Variants in CHN1 observed in about 807,000 individuals in gnomAD.
The protein encoded by CHN1 is chimerin 1.
In CHN1, 37 loss-of-function variants were observed where a neutral mutation model predicts 59.5. The observed-to-expected ratio is 0.62, with a 90% CI of 0.48 to 0.82. The LOEUF (loss-of-function observed/expected upper bound fraction) is 0.82, where lower values mean the gene tolerates loss of function less well. Among genes scored for constraint, CHN1 ranks in the 40% least tolerant of loss-of-function variants. The pLI is 0.00. For missense variants in CHN1, 469 were observed against 571.0 expected (o/e 0.82, Z 1.82); for synonymous variants, 206 against 200.4 (o/e 1.03, Z -0.24).
At chr2:174,972,095 C>T (rs941225466) in intron 1 of CHN1, among the ~76,000 whole-genome samples, 2 of 152,176 alleles carry the variant, frequency 1.3e-5, no homozygotes, top group African/African-American at 2.4e-5. Context: ...GCTTCCAGGA[C>T]AACAAGCTGG....
chr2:174,817,560 T>G (rs1685314102), intron 8 of CHN1, among the ~76,000 whole-genome samples: 1 of 151,410 alleles, frequency 6.6e-6, no homozygotes, highest in African/African-American at 2.4e-5. Flanking sequence ...GCCTCCCAGT[T>G]CAAGTAATTC....
chr2:174,978,749 A>G (rs1479451335), intron 1 of CHN1, among the ~76,000 whole-genome samples: 1 of 152,256 alleles, frequency 6.6e-6, no homozygotes, highest in Non-Finnish European at 1.5e-5. Context: ...TGATAGTGTG[A>G]AATGTAGCTA....
chr2:174,937,486 A>G (rs1193655396), intron 3 of CHN1, among the ~76,000 whole-genome samples: 1 of 152,218 alleles, frequency 6.6e-6, no homozygotes, highest in African/African-American at 2.4e-5. Context: ...ACCCATAAAT[A>G]ATAATTATTA....
At chr2:174,847,439 C>A in intron 6 of CHN1, 1 of 1,198,222 alleles carries the variant, frequency 8.3e-7, no homozygotes, top group South Asian at 2.7e-5. Context: ...CAGCATCTCT[C>A]TTTATCATTT....
chr2:174,985,146 G>C lies in CHN1; in HGVS notation c.19+19748C>G, dbSNP rs1014808185. Among the ~76,000 whole-genome samples, 12 of 152,092 alleles carry C rather than the reference G, an allele frequency of 7.9e-5. No homozygotes were observed. In the South Asian group the frequency reaches 1.0e-3, roughly 13 times the overall value. On this transcript the variant is annotated intron_variant, in intron 1 of 12. Coordinates refer to ENST00000409900, the MANE Select transcript of CHN1 (RefSeq NM_001822.7). ...ACCTAATTTGCTCTAGATTTTAGTT[G>C]ATACACTTTAATGTTTTAGTCTTCT... is the stretch of plus-strand genomic sequence containing the variant.
intron 6 of CHN1, among the ~76,000 whole-genome samples, chr2:174,869,719 T>C (rs764334759): frequency 1.3e-5 from 2 of 152,218 alleles, no homozygotes; most frequent in African/African-American, 4.8e-5. Context: ...GGCTCATTTG[T>C]AGAGTTTCCA....
intron 1 of CHN1, among the ~76,000 whole-genome samples, chr2:174,954,705 T>C (rs901739897): frequency 6.6e-6 from 1 of 152,196 alleles, no homozygotes; most frequent in African/African-American, 2.4e-5. Context: ...TCAACATCAC[T>C]AATTATCAGG....
At chr2:174,833,069 C>G (rs1309643827) in intron 7 of CHN1, among the ~76,000 whole-genome samples, 1 of 152,086 alleles carries the variant, frequency 6.6e-6, no homozygotes, top group Non-Finnish European at 1.5e-5. Context: ...CTTGGTGAAT[C>G]TTCCAGTTCA....
intron 3 of CHN1, among the ~76,000 whole-genome samples, chr2:174,931,441 T>C (rs1472192446): frequency 6.6e-6 from 1 of 152,218 alleles, no homozygotes; most frequent in East Asian, 1.9e-4. Flanking sequence ...TAATAGAATA[T>C]GTCCTCTAAA....
At chr2:174,806,632 G>C (rs1684893763) in intron 11 of CHN1, among the ~76,000 whole-genome samples, 1 of 152,144 alleles carries the variant, frequency 6.6e-6, no homozygotes, top group Non-Finnish European at 1.5e-5. Flanking sequence ...GCCGCCCCTA[G>C]TGAGCAATGT....
chr2:174,812,492 G>T lies in CHN1; in HGVS notation c.713-10C>A. 1 of 1,613,150 alleles carries T rather than the reference G, an allele frequency of 6.2e-7. No individual in the cohort carries two copies. Among genetic ancestry groups the T allele is most frequent in the Non-Finnish European group, 8.5e-7 (1 of 1,179,372 alleles). Reference sequence around the variant, plus strand: ...ACATTCAAACCACAATCTAAGAAAAGAATAAAGAAAGGAAACATTCAATAT... The same window carrying T: ...ACATTCAAACCACAATCTAAGAAAATAATAAAGAAAGGAAACATTCAATAT... On this transcript the variant is annotated splice_polypyrimidine_tract_variant and intron_variant, in intron 8 of 12. Transcript: ENST00000409900.
chr2:174,811,283 A>G, intron 10 of CHN1: 1 of 439,528 alleles, frequency 2.3e-6, no homozygotes, highest in Middle Eastern at 6.3e-4. Context: ...TTGGATACTC[A>G]AATATTGGTA....
In CHN1 at chr2:174,936,888, A is replaced by G. The variant is rs116070232; in HGVS notation, c.114+8000T>C. Among the ~76,000 whole-genome samples, 1,238 of 152,294 alleles carry G rather than the reference A, an allele frequency of 8.1e-3. 18 individuals are homozygous for G. Among genetic ancestry groups the G allele is most frequent in the African/African-American group, 0.028 (1,175 of 41,560 alleles). Reference sequence around the variant, plus strand: ...TTTTTAAAGCCTGCCTAAAATAATTAGTTGTGGCCTGGTCATCTTCTTCCT... The same window carrying G: ...TTTTTAAAGCCTGCCTAAAATAATTGGTTGTGGCCTGGTCATCTTCTTCCT... On this transcript the variant is annotated intron_variant, in intron 3 of 12. Coordinates refer to ENST00000409900, the MANE Select transcript of CHN1 (RefSeq NM_001822.7).
intron 1 of CHN1, among the ~76,000 whole-genome samples, chr2:174,989,615 C>A (rs1035910602): frequency 6.6e-6 from 1 of 151,976 alleles, no homozygotes; most frequent in African/African-American, 2.4e-5. Flanking sequence ...CACAGGGAGA[C>A]CCTGTCTCTA....
intron 5 of CHN1, among the ~76,000 whole-genome samples, chr2:174,880,279 T>C (rs1574120502): frequency 6.6e-6 from 1 of 152,202 alleles, no homozygotes; most frequent in Non-Finnish European, 1.5e-5. Flanking sequence ...ATTTTGGAAT[T>C]ATGATTGATC....
At chr2:174,855,660 A>G (rs1686877773) in intron 6 of CHN1, among the ~76,000 whole-genome samples, 2 of 152,182 alleles carry the variant, frequency 1.3e-5, no homozygotes, top group South Asian at 4.1e-4. Context: ...TGACAATTGC[A>G]TAACACGGTA....
At chr2:174,913,531 AT>A (rs1688756897) in intron 5 of CHN1, among the ~76,000 whole-genome samples, 1 of 152,090 alleles carries the variant, frequency 6.6e-6, no homozygotes, top group Non-Finnish European at 1.5e-5. Flanking sequence ...CCATACCAGA[AT>A]TTTTTTCCTG....
intron 8 of CHN1, among the ~76,000 whole-genome samples, chr2:174,816,639 C>T (rs1198198089): frequency 1.3e-5 from 2 of 152,052 alleles, no homozygotes; most frequent in African/African-American, 2.4e-5. Context: ...CCAGGGAACT[C>T]GCTGCTAGGT....
intron 12 of CHN1, among the ~76,000 whole-genome samples, chr2:174,800,959 A>T (rs1684700485): frequency 6.6e-6 from 1 of 152,272 alleles, no homozygotes; most frequent in Non-Finnish European, 1.5e-5. Context: ...AAATGTAAAC[A>T]TTCATGAGTG....
Sources: allele counts gnomAD v4.1 joint callset (sites outside exome capture counted in the v4.1 genomes callset), GRCh38; gene constraint gnomAD v4.1.1; transcripts MANE v1.5; gene names NCBI Gene and HGNC (gene_info 2026-07-23, HGNC 2026-07-21).